Variants in NMNAT3 observed in about 807,000 individuals in gnomAD.
The protein encoded by NMNAT3 is nicotinamide nucleotide adenylyltransferase 3.
A neutral mutation model predicts 24.8 loss-of-function variants in NMNAT3; 21 were observed. The observed-to-expected ratio is 0.85, with a 90% CI of 0.60 to 1.22. The LOEUF is 1.22. Ranked by LOEUF, NMNAT3 falls within the 50% of genes most tolerant of loss-of-function variation. NMNAT3 has a pLI of 0.00. For synonymous variants in NMNAT3, 136 were observed against 155.2 expected, an observed-to-expected ratio of 0.88 and a Z score of 0.92; for missense variants, 387 against 436.6, an observed-to-expected ratio of 0.89 and a Z score of 1.01.
chr3:139,638,979 C>T (rs957843074), intron 1 of NMNAT3, among the ~76,000 whole-genome samples: 1 of 152,180 alleles, frequency 6.6e-6, no homozygotes, highest in Admixed American at 6.5e-5. Context: ...CTCACTCTCA[C>T]CTATTTATGC....
At chr3:139,590,332 G>C (rs983178731) in intron 3 of NMNAT3, among the ~76,000 whole-genome samples, 5 of 152,160 alleles carry the variant, frequency 3.3e-5, no homozygotes, top group Non-Finnish European at 5.9e-5. Context: ...ACATAAATGT[G>C]AACAATAATA....
chr3:139,603,274 A>T (rs1455400397), intron 3 of NMNAT3, among the ~76,000 whole-genome samples: 3 of 152,230 alleles, frequency 2.0e-5, no homozygotes, highest in Admixed American at 2.0e-4. Context: ...CCTCTGCTGG[A>T]TGAGTGTTCA....
chr3:139,594,744 CTT>C (rs1314455370), intron 3 of NMNAT3, among the ~76,000 whole-genome samples: 1 of 152,148 alleles, frequency 6.6e-6, no homozygotes, highest in Non-Finnish European at 1.5e-5. Flanking sequence ...CAGAAAAGGC[CTT>C]TGAAAAATTC....
chr3:139,568,636 A>G (rs928493423), intron 6 of NMNAT3: 1 of 152,200 alleles, frequency 6.6e-6, no homozygotes, highest in African/African-American at 2.4e-5. Flanking sequence ...TTCCGTTTCC[A>G]TGTAGCTGAG....
intron 2 of NMNAT3, among the ~76,000 whole-genome samples, chr3:139,630,179 A>G (rs2056233274): frequency 6.6e-6 from 1 of 152,228 alleles, no homozygotes; most frequent in South Asian, 2.1e-4. Flanking sequence ...CAAGAACACA[A>G]GAGCTTTTTT....
intron 3 of NMNAT3, among the ~76,000 whole-genome samples, chr3:139,585,992 G>T (rs1453936680): frequency 6.6e-6 from 1 of 152,186 alleles, no homozygotes; most frequent in Non-Finnish European, 1.5e-5. Flanking sequence ...AAGCTTAAGT[G>T]AGCCGTTCTG....
rs574213389 is a variant in NMNAT3 at position 139,646,595 on chromosome 3, A to G, written c.-140-8533T>C. On this transcript the variant is annotated intron_variant, in intron 1 of 6. Coordinates refer to ENST00000643695, the MANE Select transcript of NMNAT3 (RefSeq NM_001320510.2). ...GTCTGCACTCTCAAATCACTGTCCT[A>G]ATGTCTCTATAATATATTAACAGGC... is the stretch of plus-strand genomic sequence containing the variant. 2.6e-5 allele frequency among the ~76,000 whole-genome samples: 4 copies of G among 152,260 alleles called. No homozygotes were observed. In the South Asian group the frequency reaches 8.3e-4, roughly 32 times the overall value.
In NMNAT3 at chr3:139,573,617, T is replaced by A; in HGVS notation, c.639A>T (p.Ala213=). 6.2e-7 allele frequency: 1 copy of A among 1,600,036 alleles called. No individual in the cohort carries two copies. The change falls in exon 6 of 7, where the codon GCA becomes GCT. Residue 213 remains alanine, a synonymous_variant. Coordinates refer to ENST00000643695, the MANE Select transcript of NMNAT3 (RefSeq NM_001320510.2). ...ACCCACCTGCAGGGGTCGAGAAGAG[T>A]GCCTTGCCATGGTCTGGGCCTTCCA...
At chr3:139,628,984 G>C (rs2056174496) in intron 2 of NMNAT3, among the ~76,000 whole-genome samples, 1 of 152,172 alleles carries the variant, frequency 6.6e-6, no homozygotes, top group South Asian at 2.1e-4. Flanking sequence ...GGAGATGGTG[G>C]TGTGTCTGTG....
chr3:139,572,768 C>T (rs186002414), intron 6 of NMNAT3, among the ~76,000 whole-genome samples: 1 of 152,258 alleles, frequency 6.6e-6, no homozygotes, highest in East Asian at 1.9e-4. Flanking sequence ...AGGTATTTCT[C>T]TTTCTTGTAG....
chr3:139,563,687 A>G (rs1007576907), intron 6 of NMNAT3, among the ~76,000 whole-genome samples: 11 of 152,152 alleles, frequency 7.2e-5, no homozygotes, highest in Non-Finnish European at 1.5e-4. Flanking sequence ...CTCGGGCAAC[A>G]TGGGCCTCAG....
At chr3:139,665,725 GGAGAGAGAGAGAGA>G (rs10547665) in intron 1 of NMNAT3, among the ~76,000 whole-genome samples, 30 of 139,658 alleles carry the variant, frequency 2.1e-4, no homozygotes, top group African/African-American at 7.6e-4. Flanking sequence ...ATTTGTAACA[GGAGAGAGAGAGAGA>G]GAGAGAGAGA....
chr3:139,577,595 T>G (rs1162965727), intron 5 of NMNAT3, among the ~76,000 whole-genome samples: 1 of 152,222 alleles, frequency 6.6e-6, no homozygotes, highest in African/African-American at 2.4e-5. Context: ...CTTGCTTCTA[T>G]TCCCCCTCTC....
intron 1 of NMNAT3, among the ~76,000 whole-genome samples, chr3:139,650,794 G>C (rs567337849): frequency 1.9e-4 from 29 of 152,168 alleles, no homozygotes; most frequent in Non-Finnish European, 4.0e-4. Context: ...AGCTGAAAAG[G>C]ACCTGGAGCA....
chr3:139,612,727 T>C (rs561518977), intron 3 of NMNAT3, among the ~76,000 whole-genome samples: 1 of 152,244 alleles, frequency 6.6e-6, no homozygotes, highest in East Asian at 1.9e-4. Context: ...AGTAAGCACA[T>C]GGTGAGCGAG....
chr3:139,611,906 G>A (rs1186948244), intron 3 of NMNAT3, among the ~76,000 whole-genome samples: 9 of 152,180 alleles, frequency 5.9e-5, no homozygotes, highest in Non-Finnish European at 1.2e-4. Flanking sequence ...GGTTGCTTAC[G>A]CCTGTAATCC....
At chr3:139,597,316 C>G (rs2054527770) in intron 3 of NMNAT3, among the ~76,000 whole-genome samples, 1 of 151,708 alleles carries the variant, frequency 6.6e-6, no homozygotes, top group Non-Finnish European at 1.5e-5. Context: ...AAAAAAAATC[C>G]CCAAGTAGGT....
intron 3 of NMNAT3, among the ~76,000 whole-genome samples, chr3:139,591,075 G>C (rs1451727788): frequency 3.3e-5 from 5 of 151,772 alleles, no homozygotes; most frequent in Admixed American, 2.6e-4. Context: ...ATCTCACTAG[G>C]GAGTGCCAGA....
intron 3 of NMNAT3, among the ~76,000 whole-genome samples, chr3:139,601,959 C>G (rs573700803): frequency 1.1e-4 from 16 of 152,294 alleles, no homozygotes; most frequent in Admixed American, 1.0e-3. Context: ...TTTAAAAAAT[C>G]TTCATAACAA....
Sources: gnomAD v4.1 joint callset for allele counts (sites outside exome capture counted in the v4.1 genomes callset) on GRCh38, gnomAD v4.1.1 for gene constraint, MANE v1.5 for transcripts, NCBI Gene and HGNC (gene_info 2026-07-23, HGNC 2026-07-21) for gene names.